The following ZFYVE9 variants were observed in gnomAD, a reference collection of about 807,000 sequenced individuals.
ZFYVE9 encodes zinc finger FYVE domain-containing protein 9.
A neutral mutation model predicts 126.7 loss-of-function variants in ZFYVE9; 43 were observed. The ratio of observed to expected loss-of-function variants is 0.34; its 90% CI spans 0.27 to 0.44. ZFYVE9 has a LOEUF of 0.44. Among genes scored for constraint, ZFYVE9 ranks in the 20% least tolerant of loss-of-function variants. The probability of loss-of-function intolerance (pLI) is 1.00; values close to 1 mark genes in which losing one functional copy is unlikely to be tolerated. For synonymous variants in ZFYVE9, 521 were observed against 597.4 expected (o/e 0.87, Z 1.87); for missense variants, 1,476 against 1,697.0 (o/e 0.87, Z 2.29).
At chr1:52,332,957 A>G (rs374479303) in intron 14 of ZFYVE9, 39 bp downstream of exon 14, 95 of 1,612,856 alleles carry the variant, frequency 5.9e-5, no homozygotes, top group Non-Finnish European at 7.8e-5. Context: ...ATAATGGAAA[A>G]TTATACTGGA....
At chr1:52,220,717 C>T (rs1645116471) in intron 2 of ZFYVE9, among the ~76,000 whole-genome samples, 1 of 152,120 alleles carries the variant, frequency 6.6e-6, no homozygotes, top group Non-Finnish European at 1.5e-5. Flanking sequence ...GACAGCATTT[C>T]CCTTCCATCT....
chr1:52,258,503 G>A (rs982382363), intron 4 of ZFYVE9, among the ~76,000 whole-genome samples: 1 of 146,316 alleles, frequency 6.8e-6, no homozygotes, highest in African/African-American at 2.5e-5. Flanking sequence ...TGAAGAACTG[G>A]CCCACCTAAA....
intron 1 of ZFYVE9, among the ~76,000 whole-genome samples, chr1:52,146,027 C>CCACACACACACA (rs1168051378): frequency 0.021 from 3,048 of 146,220 alleles, 90 homozygotes; most frequent in East Asian, 0.11. Flanking sequence ...TCAAAAATAT[C>CCACACACACACA]CACACACACA....
intron 4 of ZFYVE9, among the ~76,000 whole-genome samples, chr1:52,258,050 A>G (rs888283296): frequency 7.9e-5 from 12 of 152,222 alleles, no homozygotes; most frequent in African/African-American, 2.9e-4. Context: ...TATTTATGCA[A>G]TAACTTTACT....
At chr1:52,247,297 T>G (rs1299350951) in intron 4 of ZFYVE9, among the ~76,000 whole-genome samples, 2 of 152,190 alleles carry the variant, frequency 1.3e-5, no homozygotes, top group African/African-American at 4.8e-5. Flanking sequence ...TATTTTTTGT[T>G]TTTTTGCATC....
intron 10 of ZFYVE9, among the ~76,000 whole-genome samples, chr1:52,288,090 G>A (rs147777331): frequency 1.3e-5 from 2 of 152,180 alleles, no homozygotes; most frequent in African/African-American, 2.4e-5. Context: ...ATTGCCTTAT[G>A]TACACTATTT....
At chr1:52,176,724 C>T (rs961237560) in intron 1 of ZFYVE9, among the ~76,000 whole-genome samples, 17 of 152,176 alleles carry the variant, frequency 1.1e-4, no homozygotes, top group South Asian at 8.3e-4. Context: ...GCCTCGCTGC[C>T]GCCTTGCAGT....
At chr1:52,220,205 A>G (rs950130114) in intron 2 of ZFYVE9, among the ~76,000 whole-genome samples, 2 of 151,940 alleles carry the variant, frequency 1.3e-5, no homozygotes, top group Non-Finnish European at 2.9e-5. Flanking sequence ...AATTCTTTCT[A>G]CCCTCCCTGA....
At position 52,157,381 on chromosome 1, in the gene ZFYVE9, G is replaced by A. The variant is rs1044858567; in HGVS notation, c.-143+14978G>A. On this transcript the variant is annotated intron_variant, in intron 1 of 18. Coordinates refer to ENST00000287727, the MANE Select transcript of ZFYVE9 (RefSeq NM_004799.4). ...ACTATCTGTCTGTTTTTTTCCTTAT[G>A]GCACCATATTCTCTTTTTTTTTTTT... is the stretch of plus-strand genomic sequence containing the variant. Among the ~76,000 whole-genome samples the A allele has an allele frequency of 2.1e-5, 3 of 140,620 alleles. No individual in the cohort carries two copies. The Admixed American group carries it at 2.2e-4, about 10-fold the overall frequency. The allele number at this position is 140,620 out of a possible 152,430, so 92.3% of individuals were successfully genotyped here.
rs149092778 is a variant in ZFYVE9, at chr1:52,289,438, T to C, written c.3026-4015T>C. 2.0e-5 allele frequency among the ~76,000 whole-genome samples: 3 copies of C among 152,318 alleles called. No homozygotes were observed. In the East Asian group the frequency reaches 5.8e-4, roughly 29 times the overall value. ...AAAATTACTTTATAAACCATTGATATAAAGCATTTAACACCTTTGACAGGT... is the reference window on the plus strand; with the variant it reads ...AAAATTACTTTATAAACCATTGATACAAAGCATTTAACACCTTTGACAGGT... On this transcript the variant is annotated intron_variant, in intron 10 of 18. Transcript: ENST00000287727.
intron 17 of ZFYVE9, among the ~76,000 whole-genome samples, chr1:52,344,025 T>G (rs1646463426): frequency 1.3e-5 from 2 of 150,374 alleles, no homozygotes; most frequent in Admixed American, 1.3e-4. Flanking sequence ...TGGGCAGAGG[T>G]CATGCCACTG....
chr1:52,239,740 C>A, intron 4 of ZFYVE9, 145 bp downstream of exon 4: 1 of 944,616 alleles, frequency 1.1e-6, no homozygotes, highest in Non-Finnish European at 1.5e-6. Context: ...TAGTAAATTT[C>A]TATATAAAAA....
chr1:52,287,859 C>A (rs1233865254), intron 10 of ZFYVE9, among the ~76,000 whole-genome samples: 1 of 151,874 alleles, frequency 6.6e-6, no homozygotes, highest in Non-Finnish European at 1.5e-5. Flanking sequence ...ACAGTGAGAC[C>A]CTATCTTTAA....
rs191407508 is a variant in ZFYVE9, at chr1:52,225,520, A to G, written c.-36-7651A>G. 1.4e-3 allele frequency among the ~76,000 whole-genome samples: 208 copies of G among 152,330 alleles called. 3 individuals carry two copies. The highest frequency in any genetic ancestry group is 6.5e-4 in the Non-Finnish European group (44 of 68,028). ...GAAGGAAGGGGTTTTTAACCCTAAC[A>G]CAGTTCCTGTTTCTGTGTCTTTCCC... On this transcript the variant is annotated intron_variant, in intron 2 of 18. Coordinates refer to ENST00000287727, the MANE Select transcript of ZFYVE9 (RefSeq NM_004799.4).
At chr1:52,246,360 T>C (rs554528924) in intron 4 of ZFYVE9, among the ~76,000 whole-genome samples, 1 of 152,252 alleles carries the variant, frequency 6.6e-6, no homozygotes, top group East Asian at 1.9e-4. Flanking sequence ...GCAGTTTATT[T>C]TTGGGTAACT....
At chr1:52,319,351 A>G (rs1646216545) in intron 13 of ZFYVE9, among the ~76,000 whole-genome samples, 1 of 152,080 alleles carries the variant, frequency 6.6e-6, no homozygotes, top group Non-Finnish European at 1.5e-5. Flanking sequence ...TTGGCTGGGC[A>G]CAGTGGCTCA....
intron 2 of ZFYVE9, among the ~76,000 whole-genome samples, chr1:52,229,689 G>T (rs1645199989): frequency 6.6e-6 from 1 of 152,152 alleles, no homozygotes; most frequent in African/African-American, 2.4e-5. Context: ...ACACAGTCTG[G>T]TGGGTGCCCT....
At chr1:52,286,280 C>T (rs1645858247) in intron 10 of ZFYVE9, among the ~76,000 whole-genome samples, 1 of 152,132 alleles carries the variant, frequency 6.6e-6, no homozygotes, top group Non-Finnish European at 1.5e-5. Context: ...GTATTACTAG[C>T]TTAGGGTTAT....
At chr1:52,219,596 T>C (rs953179016) in intron 2 of ZFYVE9, among the ~76,000 whole-genome samples, 1 of 151,970 alleles carries the variant, frequency 6.6e-6, no homozygotes, top group African/African-American at 2.4e-5. Context: ...GGGTGGAGTT[T>C]GCGCTAGGAG....
Sources: gnomAD v4.1 joint callset for allele counts (sites outside exome capture counted in the v4.1 genomes callset) on GRCh38, gnomAD v4.1.1 for gene constraint, MANE v1.5 for transcripts, NCBI Gene and HGNC (gene_info 2026-07-23, HGNC 2026-07-21) for gene names.